RNLS: variants seen among roughly 807,000 people sequenced by gnomAD.
RNLS encodes the protein renalase, FAD dependent amine oxidase.
In RNLS, 39 loss-of-function variants were observed where a neutral mutation model predicts 39.8. The ratio of observed to expected loss-of-function variants is 0.98; its 90% CI spans 0.76 to 1.28. The LOEUF (loss-of-function observed/expected upper bound fraction) is 1.28. RNLS is among the 50% of genes most tolerant of loss of function. The pLI is 0.00. For synonymous variants in RNLS, 147 were observed against 150.7 expected, an observed-to-expected ratio of 0.98 and a Z score of 0.18; for missense variants, 410 against 413.3, an observed-to-expected ratio of 0.99 and a Z score of 0.07.
At chr10:88,282,086 G>C (rs1843030552), downstream of RNLS, among the ~76,000 whole-genome samples, 1 of 152,056 alleles carries the variant, frequency 6.6e-6, no homozygotes, top group Non-Finnish European at 1.5e-5. Flanking sequence ...ACCCCCCAAA[G>C]AAGGAAATAA....
chr10:88,173,272 TTG>T, the RNLS span, among the ~76,000 whole-genome samples: 1 of 152,198 alleles, frequency 6.6e-6, no homozygotes, highest in African/African-American at 2.4e-5. Context: ...CTTGGTGCCT[TTG>T]TTAAAAAGCA....
At chr10:88,378,192 C>G (rs911224293) in intron 4 of RNLS, among the ~76,000 whole-genome samples, 1 of 151,904 alleles carries the variant, frequency 6.6e-6, no homozygotes, top group Non-Finnish European at 1.5e-5. Context: ...CTGCCTGAGG[C>G]CATTTTACAG....
chr10:88,391,979 C>T (rs1457992842), intron 4 of RNLS, among the ~76,000 whole-genome samples: 2 of 152,238 alleles, frequency 1.3e-5, no homozygotes, highest in Non-Finnish European at 1.5e-5. Context: ...ACAGGGTTAG[C>T]GCTCTCTCCA....
At chr10:88,495,477 T>C (rs963039960) in intron 4 of RNLS, among the ~76,000 whole-genome samples, 2 of 152,154 alleles carry the variant, frequency 1.3e-5, no homozygotes, top group African/African-American at 2.4e-5. Context: ...TCAGATATTA[T>C]CTTTGTAAAA....
rs150404527 is a variant in RNLS, at chr10:88,477,783, T to C, written c.526+95120A>G. ...TCACATCTAAGAAGCTTCAGAATGA[T>C]AGAGGGTAAGTATTTTGCCAAGTTC... On this transcript the variant is annotated intron_variant, in intron 4 of 6. Transcript: ENST00000331772. 2.1e-3 allele frequency among the ~76,000 whole-genome samples: 326 copies of C among 152,294 alleles called. 6 individuals carry two copies. Among genetic ancestry groups the C allele is most frequent in the East Asian group, 5.8e-4 (3 of 5,178 alleles).
the RNLS span, among the ~76,000 whole-genome samples, chr10:88,175,786 A>AT: frequency 9.9e-5 from 15 of 151,944 alleles, no homozygotes; most frequent in African/African-American, 2.4e-5. Flanking sequence ...TTTATGTTTA[A>AT]TTTTTTTTAA....
At chr10:88,380,122 G>A (rs1024382568) in intron 4 of RNLS, among the ~76,000 whole-genome samples, 3 of 152,104 alleles carry the variant, frequency 2.0e-5, no homozygotes, top group Non-Finnish European at 4.4e-5. Context: ...CAACAACGAA[G>A]GAGGTTGATT....
the RNLS span, among the ~76,000 whole-genome samples, chr10:88,240,550 C>G: frequency 6.6e-6 from 1 of 152,098 alleles, no homozygotes; most frequent in Non-Finnish European, 1.5e-5. Context: ...TACCATCCAC[C>G]CAGCCACCTC....
chr10:88,355,120 C>A (rs1397499075), intron 5 of RNLS, among the ~76,000 whole-genome samples: 1 of 152,126 alleles, frequency 6.6e-6, no homozygotes, highest in Non-Finnish European at 1.5e-5. Flanking sequence ...TTTGTCTAAT[C>A]TTTTTTCAAG....
chr10:88,287,818 G>A (rs923282247), intron 6 of RNLS, among the ~76,000 whole-genome samples: 3 of 151,880 alleles, frequency 2.0e-5, no homozygotes, highest in African/African-American at 4.8e-5. Flanking sequence ...ACAGAATAGC[G>A]GAAACTGCCA....
At chr10:88,532,028 A>T (rs1847456252) in intron 4 of RNLS, among the ~76,000 whole-genome samples, 1 of 152,118 alleles carries the variant, frequency 6.6e-6, no homozygotes, top group Non-Finnish European at 1.5e-5. Context: ...AGGGAGTATC[A>T]GCTCAAGTCT....
At chr10:88,194,206 G>A in the RNLS span, among the ~76,000 whole-genome samples, 1,574 of 152,326 alleles carry the variant, frequency 0.01, 22 homozygotes, top group African/African-American at 0.035. Context: ...AGAAGGCTTT[G>A]TTGTGGAGGG....
intron 4 of RNLS, among the ~76,000 whole-genome samples, chr10:88,525,000 C>CAT (rs1484214681): frequency 2.9e-4 from 22 of 74,856 alleles, no homozygotes; most frequent in East Asian, 1.4e-3. Flanking sequence ...TATATATATA[C>CAT]ACACACACAC....
chr10:88,416,787 T>A (rs766561345), intron 4 of RNLS, among the ~76,000 whole-genome samples: 1 of 152,182 alleles, frequency 6.6e-6, no homozygotes, highest in Non-Finnish European at 1.5e-5. Context: ...ATGTGGCAAT[T>A]TTACAAATAT....
chr10:88,443,938 T>C (rs10749587), intron 4 of RNLS, among the ~76,000 whole-genome samples: 78,319 of 152,102 alleles, frequency 0.51, 20,732 homozygotes, highest in African/African-American at 0.65. Context: ...CTCTGCAGAC[T>C]TAAATGTCCC....
the RNLS span, among the ~76,000 whole-genome samples, chr10:88,214,524 C>G: frequency 1.5e-5 from 2 of 135,248 alleles, no homozygotes; most frequent in Non-Finnish European, 3.1e-5. Flanking sequence ...AAAAAAAAAA[C>G]TCAGTTAACA....
At chr10:88,300,623 C>T (rs1396995618) in intron 6 of RNLS, among the ~76,000 whole-genome samples, 1 of 152,136 alleles carries the variant, frequency 6.6e-6, no homozygotes, top group African/African-American at 2.4e-5. Context: ...TTTTGTATGG[C>T]AAACTGTACT....
intron 5 of RNLS, among the ~76,000 whole-genome samples, chr10:88,319,816 G>A (rs541367053): frequency 6.6e-5 from 10 of 152,182 alleles, no homozygotes; most frequent in Non-Finnish European, 1.3e-4. Context: ...CAACTGGTTG[G>A]TATTCCTGAG....
chr10:88,525,336 G>A (rs1250446640), intron 4 of RNLS, among the ~76,000 whole-genome samples: 2 of 151,930 alleles, frequency 1.3e-5, no homozygotes, highest in Non-Finnish European at 2.9e-5. Flanking sequence ...ATTTAACTGC[G>A]TGTAGAGCAT....
Sources: allele counts gnomAD v4.1 joint callset (sites outside exome capture counted in the v4.1 genomes callset), GRCh38; gene constraint gnomAD v4.1.1; transcripts MANE v1.5; gene names NCBI Gene and HGNC (gene_info 2026-07-23, HGNC 2026-07-21).